MACROD2: variants seen among roughly 807,000 people sequenced by gnomAD.
MACROD2 encodes mono-ADP ribosylhydrolase 2, also known as ADP-ribose glycohydrolase MACROD2.
A neutral mutation model predicts 70.4 loss-of-function variants in MACROD2; 36 were observed. The ratio of observed to expected loss-of-function variants is 0.51; its 90% CI spans 0.39 to 0.68. The LOEUF is 0.68. Ranked by LOEUF, MACROD2 falls within the 30% of genes least tolerant of loss-of-function variation. MACROD2 has a pLI of 0.00. For missense variants in MACROD2, 496 were observed against 538.4 expected (o/e 0.92, Z 0.78); for synonymous variants, 172 against 178.8 (o/e 0.96, Z 0.30).
chr20:15,831,949 T>C (rs1397103824), intron 8 of MACROD2, among the ~76,000 whole-genome samples: 1 of 152,222 alleles, frequency 6.6e-6, no homozygotes, highest in African/African-American at 2.4e-5. Flanking sequence ...ACAGAAAATG[T>C]TATCTAAATG....
At chr20:15,237,446 A>G (rs1371069814) in intron 6 of MACROD2, among the ~76,000 whole-genome samples, 1 of 152,210 alleles carries the variant, frequency 6.6e-6, no homozygotes, top group East Asian at 1.9e-4. Flanking sequence ...ACATGTTGAA[A>G]ATAGAATTTT....
rs765832832 is a variant in MACROD2 at position 15,937,503 on chromosome 20, G to A, written c.866G>A (p.Gly289Asp). 6.8e-6 allele frequency: 11 copies of A among 1,613,278 alleles called. No homozygotes were observed. In the South Asian group the frequency reaches 1.2e-4, roughly 18 times the overall value. The change falls in exon 12 of 18, where the codon GGC (glycine) becomes GAC (aspartate). Residue 289 changes from glycine (G) to aspartate (D), a missense_variant. By Grantham distance (94) the Gly-to-Asp change is moderately conservative. Transcript: ENST00000684519. ...GGTGTCAACACTGTCACTGTGCCCG[G>A]CCCTGCTTCAGAAGAGGCAGTTGAA... ...ADGVNTVTVP[G>D]PASEEAVEDC...
chr20:15,112,426 T>C (rs73096074), intron 5 of MACROD2, among the ~76,000 whole-genome samples: 33,074 of 152,154 alleles, frequency 0.22, 4,882 homozygotes, highest in Non-Finnish European at 0.33. Context: ...ACTTAGTGAA[T>C]TCTTATTTGA....
At chr20:15,079,015 T>G (rs2123127070) in intron 5 of MACROD2, among the ~76,000 whole-genome samples, 1 of 152,252 alleles carries the variant, frequency 6.6e-6, no homozygotes, top group African/African-American at 2.4e-5. Context: ...AGCCTTCTCA[T>G]CCAGTTCTGT....
intron 6 of MACROD2, among the ~76,000 whole-genome samples, chr20:15,301,126 G>T (rs148450059): frequency 2.7e-4 from 41 of 152,312 alleles, no homozygotes; most frequent in African/African-American, 9.1e-4. Context: ...GTGACCATTC[G>T]CCTGCCTTAC....
intron 3 of MACROD2, among the ~76,000 whole-genome samples, chr20:14,268,661 T>C (rs1164921055): frequency 1.3e-5 from 2 of 152,168 alleles, no homozygotes; most frequent in East Asian, 3.8e-4. Flanking sequence ...ACACCAGGAC[T>C]AATTCTTTTT....
chr20:15,068,016 T>A (rs144599467), intron 5 of MACROD2, among the ~76,000 whole-genome samples: 20 of 152,322 alleles, frequency 1.3e-4, no homozygotes, highest in African/African-American at 4.6e-4. Flanking sequence ...GCAAGAAGGT[T>A]AATTTCGTTC....
At chr20:14,070,323 TTGTGTG>T (rs57671586) in intron 2 of MACROD2, among the ~76,000 whole-genome samples, 2 of 150,760 alleles carry the variant, frequency 1.3e-5, no homozygotes, top group Non-Finnish European at 3.0e-5. Flanking sequence ...ATAGAGGGGT[TTGTGTG>T]TGTGTGTGTG....
At chr20:15,262,915 A>C (rs1217037684) in intron 6 of MACROD2, among the ~76,000 whole-genome samples, 3 of 151,872 alleles carry the variant, frequency 2.0e-5, no homozygotes, top group Non-Finnish European at 4.4e-5. Flanking sequence ...GTGTTGTTTG[A>C]GCTCCTTATA....
chr20:14,731,183 A>G (rs939796200), intron 5 of MACROD2, among the ~76,000 whole-genome samples: 4 of 152,180 alleles, frequency 2.6e-5, no homozygotes, highest in African/African-American at 9.7e-5. Flanking sequence ...GTTTAACAAT[A>G]TAAAGATCCA....
intron 2 of MACROD2, among the ~76,000 whole-genome samples, chr20:14,068,280 G>C (rs1239179977): frequency 7.0e-6 from 1 of 142,890 alleles, no homozygotes; most frequent in East Asian, 2.0e-4. Context: ...CCCCCCCTGT[G>C]CTCCACAGTT....
intron 5 of MACROD2, among the ~76,000 whole-genome samples, chr20:14,951,552 C>T (rs534774575): frequency 2.6e-5 from 4 of 152,086 alleles, no homozygotes; most frequent in Non-Finnish European, 5.9e-5. Flanking sequence ...ACCTGTACCA[C>T]ATATTTGTTA....
At chr20:15,354,004 A>G (rs1190290493) in intron 6 of MACROD2, among the ~76,000 whole-genome samples, 1 of 148,258 alleles carries the variant, frequency 6.7e-6, no homozygotes, top group African/African-American at 2.5e-5. Flanking sequence ...TACTGGGTAT[A>G]TACCCAAAGG....
chr20:16,028,393 T>C (rs1004987447), intron 15 of MACROD2, among the ~76,000 whole-genome samples: 1 of 151,964 alleles, frequency 6.6e-6, no homozygotes, highest in African/African-American at 2.4e-5. Flanking sequence ...ACATTTTTTT[T>C]TTTTTTGCTC....
intron 5 of MACROD2, among the ~76,000 whole-genome samples, chr20:14,746,147 T>C (rs2184109): frequency 0.93 from 140,853 of 152,210 alleles, 65,238 homozygotes; most frequent in East Asian, 1. Flanking sequence ...TGACAATGTT[T>C]CCTTCACCAT....
intron 5 of MACROD2, among the ~76,000 whole-genome samples, chr20:15,141,415 A>C (rs1246310254): frequency 6.6e-6 from 1 of 151,994 alleles, no homozygotes; most frequent in African/African-American, 2.4e-5. Flanking sequence ...TAAGGAGTGC[A>C]TATAGCTACG....
At chr20:15,152,902 A>C (rs925860504) in intron 5 of MACROD2, among the ~76,000 whole-genome samples, 4 of 152,112 alleles carry the variant, frequency 2.6e-5, no homozygotes, top group Non-Finnish European at 5.9e-5. Context: ...AATTGAAATT[A>C]AGAGAAGGGA....
intron 3 of MACROD2, among the ~76,000 whole-genome samples, chr20:14,285,553 T>G (rs530058128): frequency 1.3e-5 from 2 of 152,166 alleles, no homozygotes; most frequent in East Asian, 3.9e-4. Context: ...ATGATTTCTT[T>G]TAACTTGATC....
At position 14,869,361 on chromosome 20, in the gene MACROD2, A is replaced by G. The variant is rs11907311; in HGVS notation, c.418+184402A>G. ...AAGTTGGAAGGGGTTTTATATATCAATGAAGTATTTCTAAAACTGTTGGAA... is the reference window on the plus strand; with the variant it reads ...AAGTTGGAAGGGGTTTTATATATCAGTGAAGTATTTCTAAAACTGTTGGAA... On this transcript the variant is annotated intron_variant, in intron 5 of 17. Transcript: ENST00000684519. Among the ~76,000 whole-genome samples, 560 of 152,260 alleles carry G rather than the reference A, an allele frequency of 3.7e-3. 8 individuals are homozygous for G. The highest frequency in any genetic ancestry group is 0.013 in the African/African-American group (539 of 41,558).
Sources: gnomAD v4.1 joint callset for allele counts (sites outside exome capture counted in the v4.1 genomes callset) on GRCh38, gnomAD v4.1.1 for gene constraint, MANE v1.5 for transcripts, NCBI Gene and HGNC (gene_info 2026-07-23, HGNC 2026-07-21) for gene names.